Variants in TIRAP observed in about 807,000 individuals in gnomAD.
The protein encoded by TIRAP is toll/interleukin-1 receptor domain-containing adapter protein.
In TIRAP, 20 loss-of-function variants were observed where a neutral mutation model predicts 19.8. The ratio of observed to expected loss-of-function variants is 1.01; its 90% CI spans 0.71 to 1.47. TIRAP has a LOEUF of 1.47. Among genes scored for constraint, TIRAP ranks in the 40% most tolerant of loss-of-function variants. TIRAP has a pLI of 0.00. For synonymous variants in TIRAP, 125 were observed against 121.7 expected, an observed-to-expected ratio of 1.03 and a Z score of -0.18; for missense variants, 276 against 285.1, an observed-to-expected ratio of 0.97 and a Z score of 0.23.
chr11:126,284,634 T>C (rs1460407149), intron 1 of TIRAP, among the ~76,000 whole-genome samples: 1 of 151,832 alleles, frequency 6.6e-6, no homozygotes, highest in Non-Finnish European at 1.5e-5. Context: ...GGCAGGCAGA[T>C]TACGAGGTCA....
chr11:126,290,922 C>G lies in TIRAP; in HGVS notation c.28C>G (p.Pro10Ala). 1 of 1,607,610 alleles carries G rather than the reference C, an allele frequency of 6.2e-7. No homozygotes were observed. The highest frequency in any genetic ancestry group is 1.1e-5 in the South Asian group (1 of 89,804). ...GGCATCATCGACCTCCCTCCCAGCT[C>G]CTGGCTCTCGGCCTAAGAAGCCTCT... The part of the protein sequence containing the change: MASSTSLPA[P>A]GSRPKKPLGK... The change falls in exon 3 of 5, where the codon CCT (proline) becomes GCT (alanine). Residue 10 changes from proline (P) to alanine (A), a missense_variant. Coordinates refer to ENST00000392679, the MANE Select transcript of TIRAP (RefSeq NM_001318777.2). This position sits in a 1 kb window ranked among gnomAD's most constrained non-coding sequence, Gnocchi z 4.9.
At chr11:126,283,236 C>A (rs1382395165) in intron 1 of TIRAP, 83 bp downstream of exon 1, 24 of 776,662 alleles carry the variant, frequency 3.1e-5, no homozygotes, top group African/African-American at 5.8e-5. Context: ...CCGGCCTGGG[C>A]CCCAGAGTCC....
At chr11:126,289,715 C>T in intron 1 of TIRAP, 1 of 985,470 alleles carries the variant, frequency 1.0e-6, no homozygotes, top group Non-Finnish European at 1.2e-6. Flanking sequence ...CAGCCTTTCA[C>T]AGGAGAAGTG....
chr11:126,293,437 T>C, intron 4 of TIRAP: 1 of 711,284 alleles, frequency 1.4e-6, no homozygotes, highest in East Asian at 2.7e-5. Flanking sequence ...GAGATCAGGC[T>C]GGAGATGTCC....
At chr11:126,289,450 G>A (rs1013860577) in intron 1 of TIRAP, among the ~76,000 whole-genome samples, 5 of 152,124 alleles carry the variant, frequency 3.3e-5, no homozygotes, top group African/African-American at 9.7e-5. Flanking sequence ...GCTAATTTTT[G>A]TATTTTCAGT....
chr11:126,284,208 A>G (rs1181012404), intron 1 of TIRAP, among the ~76,000 whole-genome samples: 2 of 151,472 alleles, frequency 1.3e-5, no homozygotes, highest in Non-Finnish European at 2.9e-5. Context: ...TAATTGTTGC[A>G]TTTTCAGTAG....
chr11:126,287,902 C>T lies in TIRAP; in HGVS notation c.-216-2560C>T, dbSNP rs138656252. 3.9e-4 allele frequency among the ~76,000 whole-genome samples: 59 copies of T among 152,254 alleles called. No individual in the cohort carries two copies. The highest frequency in any genetic ancestry group is 1.4e-3 in the African/African-American group (57 of 41,546). ...CCAAGTAGCTAGGATTACAGGTGTGCGACACCATGCCTGGCTAATTTTTGT... is the reference window on the plus strand; with the variant it reads ...CCAAGTAGCTAGGATTACAGGTGTGTGACACCATGCCTGGCTAATTTTTGT... On this transcript the variant is annotated intron_variant, in intron 1 of 4. Coordinates refer to ENST00000392679, the MANE Select transcript of TIRAP (RefSeq NM_001318777.2). This position sits in a 1 kb window ranked among gnomAD's most constrained non-coding sequence, Gnocchi z 4.2.
intron 1 of TIRAP, chr11:126,289,553 C>A: frequency 2.8e-6 from 2 of 706,702 alleles, no homozygotes; most frequent in Non-Finnish European, 3.5e-6. Flanking sequence ...GCTAGGATTA[C>A]AGGCGTGAGC....
Position 126,294,397 on chromosome 11 carries a change from G to A in TIRAP, c.*710G>A, listed in dbSNP as rs1451690265. On this transcript the variant is annotated 3_prime_UTR_variant, in exon 5 of 5. Coordinates refer to ENST00000392679, the MANE Select transcript of TIRAP (RefSeq NM_001318777.2). ...AGCCTAGAGGCCATTCTGAATATGG[G>A]GGTGGGGTGGTGGAGGGAGCAAGTG... The A allele has an allele frequency of 7.4e-6, 3 of 406,632 alleles. No individual in the cohort carries two copies. Among genetic ancestry groups the A allele is most frequent in the Non-Finnish European group, 1.5e-5 (3 of 204,498 alleles). 25.2% of individuals were successfully genotyped at this position (406,632 alleles called of 1,614,324 possible). A position where few individuals can be genotyped will look rare whatever the true frequency, so the allele number is the denominator to read the frequency against.
intron 3 of TIRAP, among the ~76,000 whole-genome samples, 183 bp from the exon 4 acceptor site, chr11:126,292,294 T>C (rs1951399441): frequency 8.5e-6 from 1 of 116,964 alleles, no homozygotes; most frequent in Admixed American, 9.7e-5. Context: ...AGAGTGAGAC[T>C]CTGCCTCAAA....
Position 126,288,507 on chromosome 11 carries a change from C to T in TIRAP, c.-216-1955C>T, listed in dbSNP as rs939120097. 1 of 152,186 alleles carries T rather than the reference C, an allele frequency of 6.6e-6. No homozygotes were observed. The highest frequency in any genetic ancestry group is 2.4e-5 in the African/African-American group (1 of 41,448). 9.4% of individuals were successfully genotyped at this position (152,186 alleles called of 1,614,324 possible). On this transcript the variant is annotated intron_variant, in intron 1 of 4. Transcript: ENST00000392679. This position sits in a 1 kb window ranked among gnomAD's most constrained non-coding sequence, Gnocchi z 5.0. ...GGAAGGTGCATGGCGTCTTGGATTC[C>T]AGGAAGTAGGCAGTGTGTATGGTTA...
At chr11:126,286,426 G>C (rs1317328468) in intron 1 of TIRAP, among the ~76,000 whole-genome samples, 1 of 152,108 alleles carries the variant, frequency 6.6e-6, no homozygotes, top group Non-Finnish European at 1.5e-5. Context: ...GGCCACCCTA[G>C]GTCTGCACCA....
At position 126,283,341 on chromosome 11, in the gene TIRAP, C is replaced by A. The variant is rs574454880; in HGVS notation, c.-217+188C>A. 7.1e-4 allele frequency among the ~76,000 whole-genome samples: 108 copies of A among 152,310 alleles called. 1 individual carries two copies. The highest frequency in any genetic ancestry group is 2.5e-3 in the African/African-American group (105 of 41,576). ...GCTTCCCTTCTTCACCTTTCTGGCA[C>A]CCGCAACACGCAAGCGGCATGAAAG... On this transcript the variant is annotated intron_variant, in intron 1 of 4. Coordinates refer to ENST00000392679, the MANE Select transcript of TIRAP (RefSeq NM_001318777.2).
intron 1 of TIRAP, among the ~76,000 whole-genome samples, chr11:126,286,637 AATTT>A (rs1473406656): frequency 6.6e-6 from 1 of 152,238 alleles, no homozygotes; most frequent in African/African-American, 2.4e-5. Flanking sequence ...TATAGATGGT[AATTT>A]ATTTATTTAA....
At chr11:126,292,042 A>T (rs1344254481) in intron 3 of TIRAP, among the ~76,000 whole-genome samples, 1 of 152,046 alleles carries the variant, frequency 6.6e-6, no homozygotes, top group Non-Finnish European at 1.5e-5. Context: ...ACAGTGGCTC[A>T]CGCCTGTAAT....
At position 126,294,616 on chromosome 11, in the gene TIRAP, C is replaced by A. The variant is rs1365238842; in HGVS notation, c.*929C>A. 2.2e-6 allele frequency: 1 copy of A among 452,820 alleles called. No homozygotes were observed. Among genetic ancestry groups the A allele is most frequent in the Admixed American group, 2.4e-5 (1 of 41,668 alleles). 28.1% of individuals were successfully genotyped at this position (452,820 alleles called of 1,614,324 possible). ...ATGACTGTATTCCTTATAGGACAGG[C>A]AAGGTTTCATTCATCTGTTCTCAGT... On this transcript the variant is annotated 3_prime_UTR_variant, in exon 5 of 5. Transcript: ENST00000392679.
intron 1 of TIRAP, chr11:126,289,619 A>G: frequency 1.0e-6 from 1 of 981,136 alleles, no homozygotes; most frequent in Non-Finnish European, 1.2e-6. Flanking sequence ...AGTGTGTCTA[A>G]TAATACTTGC....
chr11:126,292,939 C>T lies in TIRAP; in HGVS notation c.530C>T (p.Pro177Leu), dbSNP rs1430822478. The change falls in exon 4 of 5, where the codon CCC becomes CTC. Residue 177 changes from proline (P) to leucine (L), a missense_variant. Transcript: ENST00000392679. ...EAPGAEGCTI[P>L]LLSGLSRAAY... Reference sequence around the variant, plus strand: ...CCAGGGGCCGAGGGCTGCACCATCCCCCTGCTGTCGGGCCTCAGCAGAGCT... The same window carrying T: ...CCAGGGGCCGAGGGCTGCACCATCCTCCTGCTGTCGGGCCTCAGCAGAGCT... 6.2e-7 allele frequency: 1 copy of T among 1,613,952 alleles called. No individual in the cohort carries two copies. The highest frequency in any genetic ancestry group is 1.1e-5 in the South Asian group (1 of 91,084).
chr11:126,291,933 A>C lies in TIRAP; in HGVS notation c.68-544A>C, dbSNP rs927885000. Among the ~76,000 whole-genome samples the C allele has an allele frequency of 6.6e-6, 1 of 152,040 alleles. No homozygotes were observed. Among genetic ancestry groups the C allele is most frequent in the African/African-American group, 2.4e-5 (1 of 41,312 alleles). On this transcript the variant is annotated intron_variant, in intron 3 of 4. Transcript: ENST00000392679. This position sits in a 1 kb window ranked among gnomAD's most constrained non-coding sequence, Gnocchi z 5.6. ...AACCAGGCTGGTGGAACACTCTCAC[A>C]TAAGGATTCCAGAGTTCTGACACGT...
Sources: allele counts gnomAD v4.1 joint callset (sites outside exome capture counted in the v4.1 genomes callset), GRCh38; gene constraint gnomAD v4.1.1; non-coding constraint Gnocchi (gnomAD v3.1); transcripts MANE v1.5; gene names NCBI Gene and HGNC (gene_info 2026-07-23, HGNC 2026-07-21).